The following RGSL1 variants were observed in gnomAD, a reference collection of about 807,000 sequenced individuals.
The protein encoded by RGSL1 is regulator of G protein signaling protein-like.
A neutral mutation model predicts 124.7 loss-of-function variants in RGSL1; 97 were observed. The observed-to-expected ratio is 0.78, with a 90% CI of 0.66 to 0.92. RGSL1 has a LOEUF of 0.92. RGSL1 is among the 40% of genes least tolerant of loss of function. The probability of loss-of-function intolerance (pLI) is 0.00; values close to 1 mark genes in which losing one functional copy is unlikely to be tolerated. For synonymous variants in RGSL1, 424 were observed against 438.1 expected (o/e 0.97, Z 0.40); for missense variants, 1,233 against 1,288.4 (o/e 0.96, Z 0.66).
At chr1:182,511,582 C>G (rs1458866597) in intron 9 of RGSL1, among the ~76,000 whole-genome samples, 1 of 152,192 alleles carries the variant, frequency 6.6e-6, no homozygotes, top group Non-Finnish European at 1.5e-5. Flanking sequence ...GGATTTATAT[C>G]TGGGCTCTGT....
intron 6 of RGSL1, 63 bp downstream of exon 6, chr1:182,474,605 C>G (rs1654141330): frequency 1.1e-5 from 16 of 1,469,148 alleles, no homozygotes; most frequent in Non-Finnish European, 1.4e-5. Flanking sequence ...GACTAAAAAT[C>G]CCATCTGGTC....
chr1:182,508,682 T>G (rs1000429942), intron 9 of RGSL1, among the ~76,000 whole-genome samples: 8 of 150,004 alleles, frequency 5.3e-5, no homozygotes, highest in African/African-American at 1.7e-4. Context: ...GTTTTTTTTT[T>G]TTTTTTTTTT....
intron 4 of RGSL1, among the ~76,000 whole-genome samples, chr1:182,461,930 A>C (rs1652870051): frequency 6.6e-6 from 1 of 152,202 alleles, no homozygotes. Context: ...GTAGAGAAAG[A>C]AAGGTGCAAA....
At chr1:182,490,551 A>C (rs184521282) in intron 8 of RGSL1, among the ~76,000 whole-genome samples, 1 of 152,298 alleles carries the variant, frequency 6.6e-6, no homozygotes, top group Admixed American at 6.5e-5. Flanking sequence ...TTTTTTAACC[A>C]TAGAGATTCC....
chr1:182,474,252 G>A lies in RGSL1; in HGVS notation c.1141G>A (p.Gly381Arg), dbSNP rs1411818201. ...HLALCADACA[G>R]NPFRDHLKKL... is the part of the protein sequence containing the mutation. ...GGCCTTGTGTGCTGATGCCTGTGCA[G>A]GGAACCCTTTCCGGGACCACCTGAA... The change falls in exon 6 of 22, where the codon GGG (glycine) becomes AGG (arginine). Residue 381 changes from glycine to arginine, a missense_variant. Gly to Arg is a moderately radical substitution (Grantham distance 125). Transcript: ENST00000294854. 3.9e-6 allele frequency: 6 copies of A among 1,551,716 alleles called. No homozygotes were observed. In the South Asian group the frequency reaches 7.1e-5, roughly 18 times the overall value.
chr1:182,527,781 C>T lies in RGSL1; in HGVS notation c.2125+9C>T. 1 of 1,542,788 alleles carries T rather than the reference C, an allele frequency of 6.5e-7. No individual in the cohort carries two copies. The highest frequency in any genetic ancestry group is 8.8e-7 in the Non-Finnish European group (1 of 1,141,500). On this transcript the variant is annotated intron_variant, in intron 11 of 21. Coordinates refer to ENST00000294854, the MANE Select transcript of RGSL1 (RefSeq NM_001137669.2). ...AGGCCAACTCTCTCCTGGTATGCATCCTCTTCTGATCCTGTTTTCTCTCTC... is the reference window on the plus strand; with the variant it reads ...AGGCCAACTCTCTCCTGGTATGCATTCTCTTCTGATCCTGTTTTCTCTCTC...
chr1:182,539,800 C>T (rs1320831190), intron 14 of RGSL1, among the ~76,000 whole-genome samples: 2 of 152,212 alleles, frequency 1.3e-5, no homozygotes, highest in Non-Finnish European at 2.9e-5. Flanking sequence ...TTTCTACCCT[C>T]AGTTTCCTTA....
Position 182,548,460 on chromosome 1 carries a change from G to T in RGSL1, c.2808+5G>T. The T allele has an allele frequency of 6.4e-7, 1 of 1,551,588 alleles. No individual in the cohort carries two copies. The highest frequency in any genetic ancestry group is 1.2e-5 in the South Asian group (1 of 84,014). On this transcript the variant is annotated splice_donor_5th_base_variant and intron_variant, in intron 16 of 21. Transcript: ENST00000294854. ...GACATCCCTCCAAAGCTGAGGGTAA[G>T]AAAGACTCCCACTCCACTCTGGCCT...
In RGSL1 at chr1:182,474,118, C is replaced by T; in HGVS notation, c.1007C>T (p.Thr336Ile). Residue 336 changes from threonine to isoleucine, a missense_variant, in exon 6 of 22, where the codon ACA becomes ATA. Physicochemically the swap from Thr to Ile is moderately conservative, Grantham distance 89. Transcript: ENST00000294854. Reference protein sequence around the residue: ...SHLHMEAPFETKVSTHLRTVI... With the variant: ...SHLHMEAPFEIKVSTHLRTVI... ...CTCCACATGGAAGCCCCCTTTGAGA[C>T]AAAGGTCTCTACCCACCTGAGGACT... 6.4e-7 allele frequency: 1 copy of T among 1,551,924 alleles called. No individual in the cohort carries two copies.
chr1:182,472,485 C>G lies in RGSL1; in HGVS notation c.391C>G (p.Leu131Val). ...DLEVRDYYLS[L>V]LLMLRATHLQ... Reference sequence around the variant, plus strand: ...GGAAGTGAGAGACTACTACCTGTCCCTCCTCCTCATGCTGAGGGCCACTCA... The same window carrying G: ...GGAAGTGAGAGACTACTACCTGTCCGTCCTCCTCATGCTGAGGGCCACTCA... The change falls in exon 5 of 22, where the codon CTC (leucine) becomes GTC (valine). Residue 131 changes from leucine (L) to valine (V), a missense_variant. Leu to Val is a conservative substitution (Grantham distance 32). Transcript: ENST00000294854. 3 of 1,551,116 alleles carry G rather than the reference C, an allele frequency of 1.9e-6. No homozygotes were observed. Among genetic ancestry groups the G allele is most frequent in the Non-Finnish European group, 2.6e-6 (3 of 1,146,576 alleles).
intron 9 of RGSL1, among the ~76,000 whole-genome samples, chr1:182,505,243 G>T (rs1406876827): frequency 6.6e-6 from 1 of 152,078 alleles, no homozygotes; most frequent in Non-Finnish European, 1.5e-5. Flanking sequence ...GTTGTTCAGG[G>T]AGCCAGATAA....
At chr1:182,511,311 T>C (rs960815990) in intron 9 of RGSL1, among the ~76,000 whole-genome samples, 1 of 152,122 alleles carries the variant, frequency 6.6e-6, no homozygotes, top group South Asian at 2.1e-4. Context: ...ATTACAAGCA[T>C]GTGCCACCAT....
chr1:182,473,551 A>C, intron 5 of RGSL1, 24 bp from the exon 6 acceptor site: 1 of 1,494,862 alleles, frequency 6.7e-7, no homozygotes, highest in Non-Finnish European at 8.9e-7. Context: ...ATTTTCACCC[A>C]TGATTTCTCT....
intron 4 of RGSL1, among the ~76,000 whole-genome samples, chr1:182,466,762 T>C (rs899002584): frequency 9.9e-5 from 15 of 152,156 alleles, no homozygotes; most frequent in Non-Finnish European, 2.1e-4. Context: ...CAAAACAATG[T>C]ACAGATTCAT....
At chr1:182,523,040 AT>A (rs5779137) in intron 10 of RGSL1, among the ~76,000 whole-genome samples, 1 of 150,230 alleles carries the variant, frequency 6.7e-6, no homozygotes, top group Admixed American at 6.6e-5. Flanking sequence ...TTTTTAATTA[AT>A]TTTTTTTTCT....
At chr1:182,456,580 A>G (rs1192890909) in intron 2 of RGSL1, among the ~76,000 whole-genome samples, 1 of 152,092 alleles carries the variant, frequency 6.6e-6, no homozygotes, top group Non-Finnish European at 1.5e-5. Context: ...TTACAGGCGT[A>G]AGCCTCCACG....
At chr1:182,515,277 G>C (rs772420343) in intron 9 of RGSL1, among the ~76,000 whole-genome samples, 6 of 152,146 alleles carry the variant, frequency 3.9e-5, no homozygotes, top group Admixed American at 3.9e-4. Flanking sequence ...GGATTTAGTC[G>C]ACAGGAATTG....
chr1:182,504,550 G>A (rs1204620529), intron 9 of RGSL1, among the ~76,000 whole-genome samples: 1 of 119,384 alleles, frequency 8.4e-6, no homozygotes, highest in Non-Finnish European at 1.6e-5. Flanking sequence ...ATATTATAAT[G>A]TAGCAACTAT....
At chr1:182,469,156 A>G (rs1653604078) in intron 4 of RGSL1, among the ~76,000 whole-genome samples, 1 of 152,200 alleles carries the variant, frequency 6.6e-6, no homozygotes, top group African/African-American at 2.4e-5. Context: ...AAGCAACAAC[A>G]AAGAATTGGG....
Sources: gnomAD v4.1 joint callset for allele counts (sites outside exome capture counted in the v4.1 genomes callset) on GRCh38, gnomAD v4.1.1 for gene constraint, MANE v1.5 for transcripts, NCBI Gene and HGNC (gene_info 2026-07-23, HGNC 2026-07-21) for gene names.